The following LUZP2 variants were observed in gnomAD, a reference collection of about 807,000 sequenced individuals.
The protein encoded by LUZP2 is leucine zipper protein 2.
Under a neutral mutation model 51.6 loss-of-function variants are expected in LUZP2, and 52 were observed. The observed-to-expected ratio is 1.01, with a 90% CI of 0.81 to 1.27. LUZP2 has a LOEUF of 1.27. Ranked by LOEUF, LUZP2 falls within the 50% of genes most tolerant of loss-of-function variation. LUZP2 has a pLI of 0.00. For synonymous variants in LUZP2, 154 were observed against 137.3 expected, an observed-to-expected ratio of 1.12 and a Z score of -0.85; for missense variants, 436 against 395.4, an observed-to-expected ratio of 1.10 and a Z score of -0.87.
intron 5 of LUZP2, among the ~76,000 whole-genome samples, chr11:24,794,688 T>C (rs1849502762): frequency 6.6e-6 from 1 of 152,156 alleles, no homozygotes; most frequent in Non-Finnish European, 1.5e-5. Context: ...CTTTTGCTGA[T>C]TGTGTCAATT....
At chr11:24,855,245 A>T (rs980345984) in intron 5 of LUZP2, among the ~76,000 whole-genome samples, 1 of 152,040 alleles carries the variant, frequency 6.6e-6, no homozygotes, top group Non-Finnish European at 1.5e-5. Flanking sequence ...CTTCCAAAAG[A>T]CTCCTAGATG....
chr11:24,926,344 TGTATATATATAC>T (rs1854246759), intron 7 of LUZP2, among the ~76,000 whole-genome samples: 1 of 101,512 alleles, frequency 9.9e-6, no homozygotes, highest in African/African-American at 4.9e-5. Flanking sequence ...TATATACGTG[TGTATATATATAC>T]GTGTGTATAT....
At chr11:24,767,208 C>A (rs1211156706) in intron 5 of LUZP2, among the ~76,000 whole-genome samples, 1 of 152,092 alleles carries the variant, frequency 6.6e-6, no homozygotes, top group Non-Finnish European at 1.5e-5. Flanking sequence ...TTCCTATATG[C>A]AAAATTGGAC....
rs781368288 is a variant in LUZP2, at chr11:25,019,042, TAC to T, written c.766-30995_766-30994del. 1.6e-3 allele frequency among the ~76,000 whole-genome samples: 250 copies of T among 152,344 alleles called. 1 individual carries two copies. The highest frequency in any genetic ancestry group is 1.0e-3 in the Non-Finnish European group (71 of 68,040). Reference sequence around the variant, plus strand: ...GCAGCCTCCCACATTATCAACATTTTACGCCAGAGTGGCACATTTGTTGCACT... The same window carrying T: ...GCAGCCTCCCACATTATCAACATTTTGCCAGAGTGGCACATTTGTTGCACT... On this transcript the variant is annotated intron_variant, in intron 9 of 11. Coordinates refer to ENST00000336930, the MANE Select transcript of LUZP2 (RefSeq NM_001009909.4).
intron 1 of LUZP2, among the ~76,000 whole-genome samples, chr11:24,602,208 G>A (rs1193740210): frequency 5.4e-5 from 3 of 55,930 alleles, no homozygotes; most frequent in South Asian, 5.3e-4. Context: ...ACATATATGT[G>A]TATATATGTA....
intron 5 of LUZP2, among the ~76,000 whole-genome samples, chr11:24,887,469 T>G (rs953628318): frequency 6.6e-6 from 1 of 152,110 alleles, no homozygotes; most frequent in African/African-American, 2.4e-5. Flanking sequence ...TTATTTTAAG[T>G]TTGTTGGCAA....
At chr11:24,969,829 T>C (rs977780044) in intron 7 of LUZP2, among the ~76,000 whole-genome samples, 13 of 151,860 alleles carry the variant, frequency 8.6e-5, no homozygotes, top group Non-Finnish European at 1.5e-5. Flanking sequence ...AAGAGTGGAG[T>C]TATTACTCAC....
At chr11:24,973,348 T>C (rs1855798865) in intron 7 of LUZP2, among the ~76,000 whole-genome samples, 1 of 135,576 alleles carries the variant, frequency 7.4e-6, no homozygotes, top group African/African-American at 2.7e-5. Flanking sequence ...CTAGCTAGTA[T>C]TCTATATATT....
chr11:24,666,625 A>G (rs1856221309), intron 1 of LUZP2, among the ~76,000 whole-genome samples: 1 of 152,120 alleles, frequency 6.6e-6, no homozygotes, highest in African/African-American at 2.4e-5. Flanking sequence ...TGTGAAATTA[A>G]GACAAAGTTA....
chr11:24,809,113 T>A (rs539496720), intron 5 of LUZP2, among the ~76,000 whole-genome samples: 1 of 152,286 alleles, frequency 6.6e-6, no homozygotes, highest in African/African-American at 2.4e-5. Flanking sequence ...TGTGGAAATG[T>A]ATAATATGTA....
intron 5 of LUZP2, among the ~76,000 whole-genome samples, chr11:24,904,831 A>G (rs1265393999): frequency 6.6e-6 from 1 of 152,190 alleles, no homozygotes; most frequent in Non-Finnish European, 1.5e-5. Context: ...GGTTAAATGG[A>G]CTAAAAAAAG....
chr11:24,992,276 G>C (rs528610697), intron 9 of LUZP2, among the ~76,000 whole-genome samples: 1 of 152,080 alleles, frequency 6.6e-6, no homozygotes, highest in Admixed American at 6.6e-5. Context: ...TACTAGAATT[G>C]GTGAACTAGT....
intron 1 of LUZP2, among the ~76,000 whole-genome samples, chr11:24,691,106 C>CA (rs1001337947): frequency 3.3e-5 from 5 of 151,878 alleles, no homozygotes; most frequent in South Asian, 2.1e-4. Flanking sequence ...TTTTTTACAG[C>CA]AAAAAATCTG....
intron 5 of LUZP2, among the ~76,000 whole-genome samples, chr11:24,896,824 G>A (rs971730729): frequency 2.6e-5 from 4 of 152,186 alleles, no homozygotes; most frequent in African/African-American, 9.6e-5. Context: ...GCACCAATCA[G>A]CACTCTGTGT....
At chr11:24,725,535 A>T (rs1858442241) in intron 1 of LUZP2, among the ~76,000 whole-genome samples, 1 of 152,144 alleles carries the variant, frequency 6.6e-6, no homozygotes, top group African/African-American at 2.4e-5. Flanking sequence ...GAGAAACCTA[A>T]GAATAGTCCA....
intron 5 of LUZP2, among the ~76,000 whole-genome samples, chr11:24,822,762 T>C (rs1486769276): frequency 6.6e-6 from 1 of 152,196 alleles, no homozygotes; most frequent in Non-Finnish European, 1.5e-5. Flanking sequence ...TATAATTCTG[T>C]AACATGATTT....
intron 1 of LUZP2, among the ~76,000 whole-genome samples, chr11:24,548,265 G>A (rs1851620001): frequency 6.6e-6 from 1 of 152,018 alleles, no homozygotes; most frequent in Admixed American, 6.6e-5. Context: ...GTTCATTGCA[G>A]CACTGTTCAT....
At chr11:24,697,884 G>A (rs982812263) in intron 1 of LUZP2, among the ~76,000 whole-genome samples, 8 of 151,996 alleles carry the variant, frequency 5.3e-5, no homozygotes, top group East Asian at 3.9e-4. Flanking sequence ...ACTGAATGAC[G>A]CCACTTGGAT....
intron 5 of LUZP2, among the ~76,000 whole-genome samples, chr11:24,774,360 CTCTATATA>C (rs1381521854): frequency 2.6e-5 from 2 of 76,172 alleles, no homozygotes; most frequent in Admixed American, 2.9e-4. Context: ...CTCTCTCTCT[CTCTATATA>C]TATATATATA....
Sources: allele counts gnomAD v4.1 joint callset (sites outside exome capture counted in the v4.1 genomes callset), GRCh38; gene constraint gnomAD v4.1.1; transcripts MANE v1.5; gene names NCBI Gene and HGNC (gene_info 2026-07-23, HGNC 2026-07-21).